Variants in SLC39A9 observed in about 807,000 individuals in gnomAD.
SLC39A9 encodes solute carrier family 39 member 9.
In SLC39A9, 14 loss-of-function variants were observed where a neutral mutation model predicts 28.4. The ratio of observed to expected loss-of-function variants is 0.49; its 90% CI spans 0.33 to 0.77. The LOEUF (loss-of-function observed/expected upper bound fraction) is 0.77. Ranked by LOEUF, SLC39A9 falls within the 30% of genes least tolerant of loss-of-function variation. The pLI is 0.02. For synonymous variants in SLC39A9, 119 were observed against 149.6 expected (o/e 0.80, Z 1.49); for missense variants, 283 against 381.1 (o/e 0.74, Z 2.14).
chr14:69,422,813 A>G (rs1040358255), intron 1 of SLC39A9, among the ~76,000 whole-genome samples: 1 of 152,218 alleles, frequency 6.6e-6, no homozygotes, highest in East Asian at 1.9e-4. Flanking sequence ...CGAACTCCTG[A>G]CCTCAGGTGA....
intron 3 of SLC39A9, among the ~76,000 whole-genome samples, chr14:69,452,907 TAGG>T (rs1566925501): frequency 6.6e-6 from 1 of 152,096 alleles, no homozygotes; most frequent in African/African-American, 2.4e-5. Context: ...GATTAAGGAA[TAGG>T]AGGAAGTTGG....
At chr14:69,449,484 G>A (rs912905409) in intron 3 of SLC39A9, among the ~76,000 whole-genome samples, 1 of 152,158 alleles carries the variant, frequency 6.6e-6, no homozygotes, top group African/African-American at 2.4e-5. Flanking sequence ...AATTAGCTGG[G>A]CATGGTGGCA....
chr14:69,460,833 C>T lies in SLC39A9; in HGVS notation c.*2240C>T, dbSNP rs188969135. 7.1e-4 allele frequency: 695 copies of T among 985,374 alleles called. 6 individuals carry two copies. In the African/African-American group the frequency reaches 0.011, roughly 16 times the overall value. 61.0% of individuals were successfully genotyped at this position (985,374 alleles called of 1,614,324 possible). The stretch of plus-strand genomic sequence containing the variant: ...TTCCCAGATTTTAAAGCTGCTGCCT[C>T]GAGAACTACTCATTTCTCTCCTGGT... On this transcript the variant is annotated 3_prime_UTR_variant, in exon 7 of 7. Coordinates refer to ENST00000336643, the MANE Select transcript of SLC39A9 (RefSeq NM_018375.5).
chr14:69,449,351 T>C (rs1240511093), intron 3 of SLC39A9, among the ~76,000 whole-genome samples: 5 of 152,162 alleles, frequency 3.3e-5, no homozygotes, highest in Non-Finnish European at 5.9e-5. Flanking sequence ...AGGCTGAGCA[T>C]GGTGACTCAC....
rs546206362 is a variant in SLC39A9, at chr14:69,461,124, A to G, written c.*2531A>G. On this transcript the variant is annotated 3_prime_UTR_variant, in exon 7 of 7. Transcript: ENST00000336643. ...CATTGGCAATACTTAAGTTGCTGCC[A>G]TGATTACAGATGGAATTATTGGCTA... 11 of 986,954 alleles carry G rather than the reference A, an allele frequency of 1.1e-5. No homozygotes were observed. Among genetic ancestry groups the G allele is most frequent in the South Asian group, 4.7e-5 (1 of 21,352 alleles). The allele number at this position is 986,954 out of a possible 1,614,324, so 61.1% of individuals were successfully genotyped here.
rs549247581 is a variant in SLC39A9 at position 69,458,682 on chromosome 14, G to A, written c.*89G>A. ...CAGCTACTCACTTCCTCAGTCTCTT[G>A]TCTCACCTTGCGCATCTCTACATGT... On this transcript the variant is annotated 3_prime_UTR_variant, in exon 7 of 7. Coordinates refer to ENST00000336643, the MANE Select transcript of SLC39A9 (RefSeq NM_018375.5). 1.6e-5 allele frequency: 23 copies of A among 1,461,214 alleles called. No homozygotes were observed. In the African/African-American group the frequency reaches 2.7e-4, roughly 17 times the overall value. 90.5% of individuals were successfully genotyped at this position (1,461,214 alleles called of 1,614,324 possible).
rs1240376499 is a variant in SLC39A9 at position 69,459,926 on chromosome 14, A to G, written c.*1333A>G. The stretch of plus-strand genomic sequence containing the variant: ...TTCAAAGAAATTACCTTTGTGTCAA[A>G]TGCCGCTTTGTTGAGCCCTTAAAAT... On this transcript the variant is annotated 3_prime_UTR_variant, in exon 7 of 7. Coordinates refer to ENST00000336643, the MANE Select transcript of SLC39A9 (RefSeq NM_018375.5). 1.8e-5 allele frequency: 18 copies of G among 985,648 alleles called. No homozygotes were observed. Among genetic ancestry groups the G allele is most frequent in the East Asian group, 1.1e-4 (1 of 8,818 alleles). The allele number at this position is 985,648 out of a possible 1,614,324, so 61.1% of individuals were successfully genotyped here. A position where few individuals can be genotyped will look rare whatever the true frequency, so the allele number is the denominator to read the frequency against.
At chr14:69,404,072 C>G (rs183686019) in intron 1 of SLC39A9, among the ~76,000 whole-genome samples, 8 of 152,134 alleles carry the variant, frequency 5.3e-5, no homozygotes, top group Non-Finnish European at 1.0e-4. Context: ...CAAACAAAAA[C>G]AGCAAAACTG....
chr14:69,447,605 C>G (rs1438220986), intron 3 of SLC39A9, among the ~76,000 whole-genome samples: 1 of 152,138 alleles, frequency 6.6e-6, no homozygotes, highest in Non-Finnish European at 1.5e-5. Context: ...GGTAGCTCAG[C>G]TGAAGATAAT....
intron 1 of SLC39A9, among the ~76,000 whole-genome samples, chr14:69,415,321 T>C (rs1437157490): frequency 6.6e-6 from 1 of 152,248 alleles, no homozygotes; most frequent in Non-Finnish European, 1.5e-5. Flanking sequence ...TTGGCCATTT[T>C]AATGGGTATG....
chr14:69,400,840 C>T (rs1047481572), intron 1 of SLC39A9, among the ~76,000 whole-genome samples: 2 of 151,982 alleles, frequency 1.3e-5, no homozygotes, highest in African/African-American at 4.8e-5. Context: ...TAAAAAATTA[C>T]GTGCATTACC....
intron 3 of SLC39A9, among the ~76,000 whole-genome samples, chr14:69,446,956 AGAGAGAGAGAGC>A (rs1885353807): frequency 6.8e-6 from 1 of 148,092 alleles, no homozygotes; most frequent in Non-Finnish European, 1.5e-5. Flanking sequence ...ATAGAGAGAG[AGAGAGAGAGAGC>A]GAGAGAGAGA....
At chr14:69,412,922 A>G (rs1465655082) in intron 1 of SLC39A9, among the ~76,000 whole-genome samples, 1 of 152,208 alleles carries the variant, frequency 6.6e-6, no homozygotes, top group East Asian at 1.9e-4. Flanking sequence ...TAGATGATTC[A>G]TTCAGATTTA....
chr14:69,457,431 G>A (rs1404323345), intron 6 of SLC39A9, among the ~76,000 whole-genome samples: 4 of 151,990 alleles, frequency 2.6e-5, no homozygotes, highest in African/African-American at 9.7e-5. Context: ...TCGAACTCCT[G>A]ACCTCGTGAT....
intron 4 of SLC39A9, among the ~76,000 whole-genome samples, chr14:69,454,307 G>A (rs1389090229): frequency 2.0e-5 from 3 of 152,088 alleles, no homozygotes; most frequent in Non-Finnish European, 4.4e-5. Flanking sequence ...GTCTCACTCT[G>A]TTGCCGAGGC....
At position 69,442,142 on chromosome 14, in the gene SLC39A9, T is replaced by A; in HGVS notation, c.279T>A (p.His93Gln). 6.2e-7 allele frequency: 1 copy of A among 1,614,204 alleles called. No individual in the cohort carries two copies. The highest frequency in any genetic ancestry group is 8.5e-7 in the Non-Finnish European group (1 of 1,180,024). The change falls in exon 3 of 7, where the codon CAT becomes CAA. Residue 93 changes from histidine to glutamine, a missense_variant. His to Gln is a conservative substitution (Grantham distance 24). Transcript: ENST00000336643. ...AAGCAGCAGAAAAATCAGTTGTCCA[T>A]GAACATGAGCACAGCCACGACCACA... ...SDKAAEKSVV[H>Q]EHEHSHDHTQ...
rs1314058936 is a variant in SLC39A9 at position 69,461,670 on chromosome 14, C to G, written c.*3077C>G. 6.5e-7 allele frequency: 1 copy of G among 1,535,554 alleles called. No homozygotes were observed. The highest frequency in any genetic ancestry group is 2.4e-5 in the East Asian group (1 of 40,898). On this transcript the variant is annotated 3_prime_UTR_variant, in exon 7 of 7. Coordinates refer to ENST00000336643, the MANE Select transcript of SLC39A9 (RefSeq NM_018375.5). Reference sequence around the variant, plus strand: ...TTTTTACCAGCCTACTTCTAAGTGTCACTGCCTGGTTTTTCTCTTTTTCAA... The same window carrying G: ...TTTTTACCAGCCTACTTCTAAGTGTGACTGCCTGGTTTTTCTCTTTTTCAA...
At chr14:69,436,119 C>T (rs923920442) in intron 2 of SLC39A9, among the ~76,000 whole-genome samples, 10 of 151,936 alleles carry the variant, frequency 6.6e-5, no homozygotes, top group East Asian at 1.9e-4. Context: ...TTTTACCTTT[C>T]GGCCAGGCGC....
At chr14:69,436,730 C>T (rs1251453201) in intron 2 of SLC39A9, among the ~76,000 whole-genome samples, 1 of 152,134 alleles carries the variant, frequency 6.6e-6, no homozygotes, top group Non-Finnish European at 1.5e-5. Context: ...TCCAGTGTTC[C>T]TTCCACATTG....
Sources: allele counts gnomAD v4.1 joint callset (sites outside exome capture counted in the v4.1 genomes callset), GRCh38; gene constraint gnomAD v4.1.1; transcripts MANE v1.5; gene names NCBI Gene and HGNC (gene_info 2026-07-23, HGNC 2026-07-21).